SGIP1: variants seen among roughly 807,000 people sequenced by gnomAD.
SGIP1 encodes the protein SH3-containing GRB2-like protein 3-interacting protein 1.
In SGIP1, 38 loss-of-function variants were observed where a neutral mutation model predicts 107.5. The observed-to-expected ratio is 0.35, with a 90% CI of 0.27 to 0.46. SGIP1 has a LOEUF of 0.46. SGIP1 is among the 20% of genes least tolerant of loss of function. The pLI is 1.00. For synonymous variants in SGIP1, 365 were observed against 366.1 expected (o/e 1.00, Z 0.03); for missense variants, 929 against 1,019.5 (o/e 0.91, Z 1.21).
chr1:66,673,246 T>A (rs1004249958), intron 11 of SGIP1, 35 bp from the exon 12 acceptor site: 1 of 1,600,344 alleles, frequency 6.2e-7, no homozygotes, highest in Admixed American at 1.7e-5. Context: ...TTTTGAGCCC[T>A]TTCCCTGTAT....
At chr1:66,719,975 A>G (rs78301749) in intron 19 of SGIP1, among the ~76,000 whole-genome samples, 3,013 of 152,288 alleles carry the variant, frequency 0.02, 96 homozygotes, top group African/African-American at 0.068. Flanking sequence ...GCAAAGTAAA[A>G]ATTCTAGGGA....
At chr1:66,539,279 G>C (rs2054328222) in intron 1 of SGIP1, among the ~76,000 whole-genome samples, 1 of 152,184 alleles carries the variant, frequency 6.6e-6, no homozygotes, top group Non-Finnish European at 1.5e-5. Context: ...GCAGGAAAAA[G>C]TACGGTGTGA....
chr1:66,591,230 A>G (rs1003494418), intron 1 of SGIP1, among the ~76,000 whole-genome samples: 8 of 152,180 alleles, frequency 5.3e-5, no homozygotes, highest in African/African-American at 1.7e-4. Context: ...TTCACCAACA[A>G]TGCCATATTC....
chr1:66,695,318 A>G, intron 17 of SGIP1, 116 bp from the exon 18 acceptor site: 1 of 1,570,476 alleles, frequency 6.4e-7, no homozygotes, highest in Non-Finnish European at 8.6e-7. Flanking sequence ...AATGGCATGT[A>G]GTGCCTCCAC....
At chr1:66,674,076 G>A (rs2084581433) in intron 12 of SGIP1, among the ~76,000 whole-genome samples, 2 of 152,016 alleles carry the variant, frequency 1.3e-5, no homozygotes, top group Non-Finnish European at 1.5e-5. Flanking sequence ...GCTGAGGTGG[G>A]AGGTTCACTT....
chr1:66,640,489 G>A (rs1047184906), intron 5 of SGIP1, among the ~76,000 whole-genome samples: 1 of 152,162 alleles, frequency 6.6e-6, no homozygotes, highest in African/African-American at 2.4e-5. Context: ...GAGGCTAACA[G>A]GCTGAACATT....
At chr1:66,585,945 G>A (rs1401048945) in intron 1 of SGIP1, among the ~76,000 whole-genome samples, 1 of 152,194 alleles carries the variant, frequency 6.6e-6, no homozygotes, top group East Asian at 1.9e-4. Flanking sequence ...CAATTCTTGA[G>A]AAAGAGGTCT....
intron 11 of SGIP1, among the ~76,000 whole-genome samples, chr1:66,672,439 T>C (rs1175022414): frequency 6.6e-6 from 1 of 152,168 alleles, no homozygotes; most frequent in African/African-American, 2.4e-5. Flanking sequence ...TATTTTACAG[T>C]GTATTCTGTG....
Position 66,745,260 on chromosome 1 carries a change from G to A in SGIP1, c.*2165G>A, listed in dbSNP as rs557097521. On this transcript the variant is annotated 3_prime_UTR_variant, in exon 25 of 25. Transcript: ENST00000371037. ...CTCTAACATTATTCAAATCTTTCTA[G>A]GGATTAAATTAGAAACTATGAAGAA... 2.6e-5 allele frequency: 4 copies of A among 151,830 alleles called. No homozygotes were observed. Among genetic ancestry groups the A allele is most frequent in the South Asian group, 4.2e-4 (2 of 4,816 alleles). The allele number at this position is 151,830 out of a possible 1,614,324, so 9.4% of individuals were successfully genotyped here.
chr1:66,586,301 T>C (rs1318370319), intron 1 of SGIP1, among the ~76,000 whole-genome samples: 2 of 152,174 alleles, frequency 1.3e-5, no homozygotes, highest in East Asian at 1.9e-4. Context: ...CCAATCTTTA[T>C]CTTTTAGTTG....
chr1:66,539,878 G>A (rs1055381652), intron 1 of SGIP1, among the ~76,000 whole-genome samples: 1 of 142,588 alleles, frequency 7.0e-6, no homozygotes, highest in Non-Finnish European at 1.5e-5. Flanking sequence ...TGTGTTTATG[G>A]CTTGTGGTTG....
At chr1:66,734,017 A>C in intron 21 of SGIP1, 137 bp downstream of exon 21, 1 of 957,696 alleles carries the variant, frequency 1.0e-6, no homozygotes, top group Non-Finnish European at 1.4e-6. Flanking sequence ...TTTTAAATGG[A>C]AACTTTAAAA....
intron 1 of SGIP1, among the ~76,000 whole-genome samples, chr1:66,622,241 T>G (rs1299253507): frequency 6.6e-6 from 1 of 152,130 alleles, no homozygotes; most frequent in Non-Finnish European, 1.5e-5. Flanking sequence ...AAAACCTAAC[T>G]TAGGCAAACT....
intron 1 of SGIP1, among the ~76,000 whole-genome samples, chr1:66,566,436 C>T (rs1295038935): frequency 2.0e-5 from 3 of 151,918 alleles, no homozygotes; most frequent in African/African-American, 7.2e-5. Flanking sequence ...AAAGAATGCA[C>T]TTTTTCTGTG....
chr1:66,679,572 C>T, intron 13 of SGIP1, 106 bp from the exon 14 acceptor site: 1 of 1,167,974 alleles, frequency 8.6e-7, no homozygotes, highest in East Asian at 2.7e-5. Context: ...ATTCCATTTC[C>T]AATAGCAGGA....
chr1:66,580,837 G>A (rs1212686037), intron 1 of SGIP1, among the ~76,000 whole-genome samples: 1 of 152,018 alleles, frequency 6.6e-6, no homozygotes. Flanking sequence ...AATTTTACTA[G>A]CAGAATATAT....
At chr1:66,742,890 A>G (rs1166819033) in intron 24 of SGIP1, among the ~76,000 whole-genome samples, 183 bp from the exon 25 acceptor site, 2 of 152,204 alleles carry the variant, frequency 1.3e-5, no homozygotes, top group African/African-American at 2.4e-5. Context: ...AGAGGCAACT[A>G]GCTGATCTGA....
chr1:66,537,779 T>C (rs2053976503), intron 1 of SGIP1, among the ~76,000 whole-genome samples: 2 of 152,136 alleles, frequency 1.3e-5, no homozygotes, highest in African/African-American at 4.8e-5. Flanking sequence ...ATATTGTATA[T>C]ACGGTGCTTT....
chr1:66,713,140 A>G (rs1472693712), intron 18 of SGIP1, among the ~76,000 whole-genome samples: 3 of 152,130 alleles, frequency 2.0e-5, no homozygotes. Context: ...TTTACTTGCC[A>G]GGTGACAATG....
Sources: gnomAD v4.1 joint callset for allele counts (sites outside exome capture counted in the v4.1 genomes callset) on GRCh38, gnomAD v4.1.1 for gene constraint, MANE v1.5 for transcripts, NCBI Gene and HGNC (gene_info 2026-07-23, HGNC 2026-07-21) for gene names.